Variants in CLYBL observed in about 807,000 individuals in gnomAD.
CLYBL encodes the protein citramalyl-CoA lyase, mitochondrial.
A neutral mutation model predicts 38.9 loss-of-function variants in CLYBL; 31 were observed. The observed-to-expected ratio is 0.80, with a 90% CI of 0.60 to 1.08. The LOEUF (loss-of-function observed/expected upper bound fraction) is 1.08. Among genes scored for constraint, CLYBL ranks in the 50% least tolerant of loss-of-function variants. The pLI is 0.00. For synonymous variants in CLYBL, 171 were observed against 158.6 expected (o/e 1.08, Z -0.59); for missense variants, 434 against 411.6 (o/e 1.05, Z -0.47).
chr13:99,853,694 G>GATCA (rs1333462742), intron 2 of CLYBL, among the ~76,000 whole-genome samples: 4 of 151,910 alleles, frequency 2.6e-5, no homozygotes, highest in Admixed American at 6.6e-5. Flanking sequence ...CATTATTACA[G>GATCA]TAAATTTTTA....
At chr13:99,829,569 C>A (rs555630477) in intron 2 of CLYBL, among the ~76,000 whole-genome samples, 1 of 152,170 alleles carries the variant, frequency 6.6e-6, no homozygotes, top group Non-Finnish European at 1.5e-5. Flanking sequence ...TCTTGGGTTT[C>A]TGGTTTATCT....
intron 1 of CLYBL, among the ~76,000 whole-genome samples, chr13:99,705,840 A>G (rs527436498): frequency 1.8e-4 from 28 of 152,250 alleles, no homozygotes; most frequent in Admixed American, 1.0e-3. Flanking sequence ...GTGGTAATGG[A>G]TGCACAATAT....
chr13:99,807,058 G>A lies in CLYBL; in HGVS notation c.249+34048G>A, dbSNP rs146569732. On this transcript the variant is annotated intron_variant, in intron 2 of 8. Coordinates refer to ENST00000339105, the MANE Select transcript of CLYBL (RefSeq NM_206808.5). ...TTAGAGCTGGTGTTCACACAAGATT[G>A]TTGAGGTAGGGCTACCCCATTCGCA... Among the ~76,000 whole-genome samples, 56 of 152,284 alleles carry A rather than the reference G, an allele frequency of 3.7e-4. 1 individual carries two copies. The highest frequency in any genetic ancestry group is 1.2e-3 in the African/African-American group (50 of 41,564).
rs112664011 is a variant in CLYBL, at chr13:99,849,151, A to G, written c.250-9710A>G. On this transcript the variant is annotated intron_variant, in intron 2 of 8. Coordinates refer to ENST00000339105, the MANE Select transcript of CLYBL (RefSeq NM_206808.5). The surrounding 1 kb of genome is among the most constrained non-coding windows in gnomAD (Gnocchi z 4.9). ...AGACTCCATCTCAAAAAAAGAAAAA[A>G]GAAAAAAAAAACACTATTGAGAAAG... is the stretch of plus-strand genomic sequence containing the variant. Among the ~76,000 whole-genome samples the G allele has an allele frequency of 1.3e-5, 1 of 74,542 alleles. No individual in the cohort carries two copies. Among genetic ancestry groups the G allele is most frequent in the East Asian group, 4.9e-4 (1 of 2,034 alleles). The allele number at this position is 74,542 out of a possible 152,430, so 48.9% of individuals were successfully genotyped here.
At chr13:99,824,619 G>A (rs148393227) in intron 2 of CLYBL, among the ~76,000 whole-genome samples, 68 of 151,954 alleles carry the variant, frequency 4.5e-4, no homozygotes, top group Middle Eastern at 6.8e-3. Flanking sequence ...GTACACACAC[G>A]CACACTCACA....
chr13:99,885,743 T>C (rs989191070), intron 7 of CLYBL, among the ~76,000 whole-genome samples: 1 of 152,238 alleles, frequency 6.6e-6, no homozygotes, highest in East Asian at 1.9e-4. Flanking sequence ...AGGGCCTTTC[T>C]AAGGACTCTC....
chr13:99,778,833 G>C (rs1390550079), intron 2 of CLYBL, among the ~76,000 whole-genome samples: 1 of 152,206 alleles, frequency 6.6e-6, no homozygotes, highest in Non-Finnish European at 1.5e-5. Flanking sequence ...AGGCACTGAG[G>C]AGGAAGAGGC....
At chr13:99,806,337 A>G (rs982738695) in intron 2 of CLYBL, among the ~76,000 whole-genome samples, 1 of 152,240 alleles carries the variant, frequency 6.6e-6, no homozygotes, top group Non-Finnish European at 1.5e-5. Flanking sequence ...TAGTATATAT[A>G]TAAGTATACT....
intron 8 of CLYBL, among the ~76,000 whole-genome samples, chr13:99,904,214 C>T (rs796950704): frequency 6.6e-6 from 1 of 152,104 alleles, no homozygotes; most frequent in Admixed American, 6.6e-5. Flanking sequence ...TGGGCCCCAC[C>T]CCAAACTAAT....
Position 99,849,069 on chromosome 13 carries a change from G to A in CLYBL, c.250-9792G>A, listed in dbSNP as rs1247110188. On this transcript the variant is annotated intron_variant, in intron 2 of 8. Coordinates refer to ENST00000339105, the MANE Select transcript of CLYBL (RefSeq NM_206808.5). The surrounding 1 kb of genome is among the most constrained non-coding windows in gnomAD (Gnocchi z 4.9). ...CTGGAGAATCGCTTGAACCCAGGAG[G>A]TGGAGGCTGCAGTGAGCCGAGATCG... Among the ~76,000 whole-genome samples the A allele has an allele frequency of 6.6e-6, 1 of 151,956 alleles. No homozygotes were observed.
At chr13:99,622,172 T>C (rs1417412340) in intron 1 of CLYBL, among the ~76,000 whole-genome samples, 2 of 152,242 alleles carry the variant, frequency 1.3e-5, no homozygotes, top group Non-Finnish European at 2.9e-5. Flanking sequence ...TGTGATTACG[T>C]TGGCCCCACC....
chr13:99,839,701 A>G lies in CLYBL; in HGVS notation c.250-19160A>G, dbSNP rs1373229383. Among the ~76,000 whole-genome samples the G allele has an allele frequency of 3.9e-5, 6 of 152,078 alleles. No homozygotes were observed. In the East Asian group the frequency reaches 1.2e-3, roughly 29 times the overall value. On this transcript the variant is annotated intron_variant, in intron 2 of 8. Transcript: ENST00000339105. ...AATCTTTTAAAAATTTTTTGTGGGT[A>G]CATAGTAGGTATATATATATTTATG...
chr13:99,681,427 A>G (rs996479022), intron 1 of CLYBL, among the ~76,000 whole-genome samples: 30 of 152,310 alleles, frequency 2.0e-4, no homozygotes, highest in Admixed American at 1.4e-3. Flanking sequence ...TATATTATGC[A>G]TATCTACCTA....
intron 1 of CLYBL, among the ~76,000 whole-genome samples, chr13:99,728,553 C>T (rs2048524372): frequency 6.6e-6 from 1 of 151,490 alleles, no homozygotes. Context: ...GCTGGGATTA[C>T]AGGTATGAGC....
intron 2 of CLYBL, among the ~76,000 whole-genome samples, chr13:99,814,402 G>T (rs1423510492): frequency 2.6e-5 from 4 of 152,166 alleles, no homozygotes; most frequent in Non-Finnish European, 5.9e-5. Flanking sequence ...CAAAAGCATT[G>T]TTTGCCCCTT....
rs1485617045 is a variant in CLYBL at position 99,865,698 on chromosome 13, C to T, written c.635-542C>T. Among the ~76,000 whole-genome samples, 3 of 152,214 alleles carry T rather than the reference C, an allele frequency of 2.0e-5. No individual in the cohort carries two copies. The highest frequency in any genetic ancestry group is 4.4e-5 in the Non-Finnish European group (3 of 68,032). On this transcript the variant is annotated intron_variant, in intron 5 of 8. Coordinates refer to ENST00000339105, the MANE Select transcript of CLYBL (RefSeq NM_206808.5). The surrounding 1 kb of genome is among the most constrained non-coding windows in gnomAD (Gnocchi z 4.7). ...CAACGGTTCAGCGGGCTACAGAAGG[C>T]ATATCGATGCTTTCCAGCCCTCTCA...
intron 1 of CLYBL, among the ~76,000 whole-genome samples, chr13:99,679,537 T>C (rs1342742208): frequency 6.6e-6 from 1 of 152,174 alleles, no homozygotes; most frequent in Admixed American, 6.5e-5. Flanking sequence ...ATCTCCACTG[T>C]GCTGGGACTT....
At chr13:99,720,247 A>C (rs532105979) in intron 1 of CLYBL, among the ~76,000 whole-genome samples, 1 of 152,260 alleles carries the variant, frequency 6.6e-6, no homozygotes, top group African/African-American at 2.4e-5. Context: ...GTCTAAAGTT[A>C]ATGGATATTT....
At chr13:99,712,045 A>C (rs1418670326) in intron 1 of CLYBL, among the ~76,000 whole-genome samples, 1 of 152,182 alleles carries the variant, frequency 6.6e-6, no homozygotes, top group Non-Finnish European at 1.5e-5. Context: ...ATGAGAGCTC[A>C]GTCCTCGTGA....
Sources: allele counts gnomAD v4.1 joint callset (sites outside exome capture counted in the v4.1 genomes callset), GRCh38; gene constraint gnomAD v4.1.1; non-coding constraint Gnocchi (gnomAD v3.1); transcripts MANE v1.5; gene names NCBI Gene and HGNC (gene_info 2026-07-23, HGNC 2026-07-21).